Variants in DSCAM observed in about 807,000 individuals in gnomAD.
DSCAM encodes DS cell adhesion molecule.
DSCAM carries 47 observed loss-of-function variants against 217.7 expected under a neutral mutation model. That is an observed-to-expected ratio of 0.22 (90% confidence interval 0.17 to 0.28). The LOEUF (loss-of-function observed/expected upper bound fraction) is 0.28. Among genes scored for constraint, DSCAM ranks in the 10% least tolerant of loss-of-function variants. The pLI is 1.00. For missense variants in DSCAM, 2,080 were observed against 2,618.3 expected (o/e 0.79, Z 4.49); for synonymous variants, 1,056 against 1,015.3 (o/e 1.04, Z -0.76).
chr21:40,835,274 A>T (rs536020079), intron 1 of DSCAM, among the ~76,000 whole-genome samples: 1 of 152,326 alleles, frequency 6.6e-6, no homozygotes, highest in Admixed American at 6.5e-5. Flanking sequence ...GACCTACTCT[A>T]CTACAAAATT....
chr21:40,290,432 C>A (rs1250078626), intron 10 of DSCAM, among the ~76,000 whole-genome samples: 2 of 152,028 alleles, frequency 1.3e-5, no homozygotes, highest in Non-Finnish European at 2.9e-5. Flanking sequence ...ACCAGCCTGG[C>A]CAATATGGTG....
At chr21:40,811,991 C>T (rs1427242208) in intron 1 of DSCAM, among the ~76,000 whole-genome samples, 2 of 152,204 alleles carry the variant, frequency 1.3e-5, no homozygotes, top group African/African-American at 4.8e-5. Context: ...TCTTCTTCAT[C>T]TCCCATCTTC....
chr21:40,267,308 G>A (rs565215232), intron 11 of DSCAM, among the ~76,000 whole-genome samples: 46 of 151,350 alleles, frequency 3.0e-4, no homozygotes, highest in African/African-American at 9.9e-4. Flanking sequence ...AAGTAATTAT[G>A]AACAATTAGT....
chr21:40,421,415 A>C (rs1569115042), intron 3 of DSCAM, among the ~76,000 whole-genome samples: 1 of 152,246 alleles, frequency 6.6e-6, no homozygotes, highest in African/African-American at 2.4e-5. Flanking sequence ...AAAGTGCTGC[A>C]TGAGTTCATT....
At chr21:40,238,390 A>G in intron 11 of DSCAM, among the ~76,000 whole-genome samples, 1 of 152,170 alleles carries the variant, frequency 6.6e-6, no homozygotes, top group Non-Finnish European at 1.5e-5. Flanking sequence ...TTACACAATA[A>G]TCCACAGCCA....
chr21:40,169,560 T>G (rs2090633480), intron 15 of DSCAM, among the ~76,000 whole-genome samples: 2 of 152,028 alleles, frequency 1.3e-5, no homozygotes. Flanking sequence ...ATTCCGCAGG[T>G]CAGGGCTGGC....
chr21:40,645,173 C>A (rs2089931077), intron 3 of DSCAM, among the ~76,000 whole-genome samples: 1 of 152,134 alleles, frequency 6.6e-6, no homozygotes. Flanking sequence ...TTTCCTTTCC[C>A]TTCCTTCTGT....
intron 3 of DSCAM, among the ~76,000 whole-genome samples, chr21:40,611,153 G>C (rs976114672): frequency 6.8e-6 from 1 of 148,124 alleles, no homozygotes; most frequent in East Asian, 2.0e-4. Flanking sequence ...CTGCCTCCCG[G>C]GTTCAAGCGA....
chr21:40,802,019 A>G (rs917881121), intron 1 of DSCAM, among the ~76,000 whole-genome samples: 2 of 152,164 alleles, frequency 1.3e-5, no homozygotes, highest in African/African-American at 4.8e-5. Flanking sequence ...CCAGGATCCC[A>G]AAACTGTGGA....
intron 32 of DSCAM, among the ~76,000 whole-genome samples, chr21:40,021,412 G>T (rs2088270435): frequency 6.6e-6 from 1 of 152,028 alleles, no homozygotes; most frequent in African/African-American, 2.4e-5. Context: ...AACGGCCCTT[G>T]TGGAGCTTTA....
intron 2 of DSCAM, among the ~76,000 whole-genome samples, chr21:40,698,869 TAAAAAAAAAA>T (rs56775350): frequency 1.9e-5 from 2 of 107,970 alleles, no homozygotes; most frequent in Admixed American, 1.1e-4. Context: ...GAATCCGTCT[TAAAAAAAAAA>T]AAAAAAAAAA....
intron 11 of DSCAM, among the ~76,000 whole-genome samples, chr21:40,193,242 G>T (rs1262740486): frequency 1.3e-5 from 2 of 152,126 alleles, no homozygotes; most frequent in Non-Finnish European, 1.5e-5. Context: ...ACAGCTGGAG[G>T]CTTACTGGCT....
Position 40,042,663 on chromosome 21 carries a change from T to C in DSCAM, c.5394A>G (p.Arg1798=), listed in dbSNP as rs200764944. ...VSPSQDTDRA[R]SSMVSTESAS... ...CACTTTCTGTGGAGACCATGCTGCT[T>C]CTTGCTCGATCTACACCAGGAAAGA... Residue 1798 remains arginine (R), a synonymous_variant, in exon 32 of 33, where the codon AGA becomes AGG. Coordinates refer to ENST00000400454, the MANE Select transcript of DSCAM (RefSeq NM_001389.5). 3.6e-3 allele frequency: 4,674 copies of C among 1,289,608 alleles called. 5 individuals are homozygous for C. The highest frequency in any genetic ancestry group is 4.0e-3 in the Non-Finnish European group (4,041 of 1,009,712). The allele number at this position is 1,289,608 out of a possible 1,614,324, so 79.9% of individuals were successfully genotyped here.
intron 3 of DSCAM, among the ~76,000 whole-genome samples, chr21:40,418,367 T>C (rs891635829): frequency 6.6e-6 from 1 of 152,224 alleles, no homozygotes; most frequent in Non-Finnish European, 1.5e-5. Context: ...CCAATAAGTT[T>C]TAATTGAAAT....
At chr21:40,350,293 T>G (rs2074615285) in intron 5 of DSCAM, among the ~76,000 whole-genome samples, 1 of 152,158 alleles carries the variant, frequency 6.6e-6, no homozygotes. Context: ...AAATGGGATC[T>G]AATTAAACTA....
At position 40,273,827 on chromosome 21, in the gene DSCAM, G is replaced by T. The variant is rs965334629; in HGVS notation, c.2356+2270C>A. ...CTCGCATGGTGGAAACAGAGAACAG[G>T]AGAGCTCTCTGGGGTCCCTTCGATA... On this transcript the variant is annotated intron_variant, in intron 11 of 32. Coordinates refer to ENST00000400454, the MANE Select transcript of DSCAM (RefSeq NM_001389.5). Among the ~76,000 whole-genome samples the T allele has an allele frequency of 3.3e-5, 5 of 152,248 alleles. 1 individual carries two copies. Among genetic ancestry groups the T allele is most frequent in the Middle Eastern group, 3.4e-3 (1 of 294 alleles).
At chr21:40,597,098 A>G (rs1386458653) in intron 3 of DSCAM, among the ~76,000 whole-genome samples, 3 of 152,164 alleles carry the variant, frequency 2.0e-5, no homozygotes, top group Admixed American at 6.5e-5. Context: ...AATTTATCAC[A>G]TTTTCAGAAA....
chr21:40,560,077 G>A (rs1042199509), intron 3 of DSCAM, among the ~76,000 whole-genome samples: 1 of 152,202 alleles, frequency 6.6e-6, no homozygotes, highest in Non-Finnish European at 1.5e-5. Context: ...ATAGGCTTGA[G>A]CCACCATGCG....
At chr21:40,516,977 T>TTA (rs2076305431) in intron 3 of DSCAM, among the ~76,000 whole-genome samples, 1 of 147,466 alleles carries the variant, frequency 6.8e-6, no homozygotes. Context: ...TATACATATA[T>TTA]TATATATATA....
Sources: allele counts gnomAD v4.1 joint callset (sites outside exome capture counted in the v4.1 genomes callset), GRCh38; gene constraint gnomAD v4.1.1; transcripts MANE v1.5; gene names NCBI Gene and HGNC (gene_info 2026-07-23, HGNC 2026-07-21).